Variants in NKAIN3 observed in about 807,000 individuals in gnomAD.
NKAIN3 encodes the protein sodium/potassium-transporting ATPase subunit beta-1-interacting protein 3.
A neutral mutation model predicts 30.2 loss-of-function variants in NKAIN3; 25 were observed. The ratio of observed to expected loss-of-function variants is 0.83; its 90% CI spans 0.60 to 1.16. The LOEUF (loss-of-function observed/expected upper bound fraction) is 1.16, where lower values mean the gene tolerates loss of function less well. Among genes scored for constraint, NKAIN3 ranks in the 50% most tolerant of loss-of-function variants. NKAIN3 has a pLI of 0.00. For missense variants in NKAIN3, 225 were observed against 254.1 expected, an observed-to-expected ratio of 0.89 and a Z score of 0.78; for synonymous variants, 91 against 89.6, an observed-to-expected ratio of 1.02 and a Z score of -0.09.
chr8:62,474,284 AGAGG>A (rs1388824886), intron 1 of NKAIN3: 2 of 152,256 alleles, frequency 1.3e-5, no homozygotes, highest in African/African-American at 4.8e-5. Context: ...ACTAAGCACC[AGAGG>A]GACAAACTCT....
chr8:62,504,127 T>G (rs1276732089), intron 1 of NKAIN3, among the ~76,000 whole-genome samples: 1 of 152,194 alleles, frequency 6.6e-6, no homozygotes, highest in Non-Finnish European at 1.5e-5. Flanking sequence ...TGAACTGTAT[T>G]GTGAACTGCA....
intron 2 of NKAIN3, among the ~76,000 whole-genome samples, chr8:62,584,939 G>T (rs182479533): frequency 7.3e-4 from 111 of 152,280 alleles, no homozygotes; most frequent in Admixed American, 1.2e-3. Flanking sequence ...GCCTATTCCT[G>T]TGTTCTAGGC....
At chr8:62,283,216 C>T (rs1271572096) in intron 1 of NKAIN3, among the ~76,000 whole-genome samples, 1 of 152,050 alleles carries the variant, frequency 6.6e-6, no homozygotes, top group African/African-American at 2.4e-5. Flanking sequence ...GAACTTAATC[C>T]AGAATTAGAA....
intron 3 of NKAIN3, among the ~76,000 whole-genome samples, chr8:62,648,044 G>A (rs1406172837): frequency 6.6e-6 from 1 of 152,084 alleles, no homozygotes; most frequent in Non-Finnish European, 1.5e-5. Context: ...AGGGACCAAA[G>A]TGATTCTCGG....
At chr8:62,811,661 G>A (rs1818493213) in intron 4 of NKAIN3, among the ~76,000 whole-genome samples, 2 of 151,782 alleles carry the variant, frequency 1.3e-5, no homozygotes, top group Non-Finnish European at 2.9e-5. Flanking sequence ...ATCTGCCATC[G>A]GTGTATCCTC....
intron 3 of NKAIN3, among the ~76,000 whole-genome samples, chr8:62,706,527 T>C (rs1190826627): frequency 6.6e-6 from 1 of 152,050 alleles, no homozygotes; most frequent in East Asian, 1.9e-4. Flanking sequence ...TCGTTTATAG[T>C]TTCCGAAACT....
chr8:62,869,252 G>A (rs922485739), intron 4 of NKAIN3, among the ~76,000 whole-genome samples: 3 of 152,110 alleles, frequency 2.0e-5, no homozygotes, highest in Non-Finnish European at 4.4e-5. Flanking sequence ...CTATCAACCC[G>A]TCATCTAGGC....
At chr8:62,611,626 C>CT (rs1173298489) in intron 3 of NKAIN3, among the ~76,000 whole-genome samples, 2 of 152,028 alleles carry the variant, frequency 1.3e-5, no homozygotes, top group African/African-American at 2.4e-5. Context: ...GGATCTCATT[C>CT]TTTTTTATGG....
chr8:62,623,874 C>G (rs1238354414), intron 3 of NKAIN3, among the ~76,000 whole-genome samples: 1 of 151,880 alleles, frequency 6.6e-6, no homozygotes, highest in Non-Finnish European at 1.5e-5. Flanking sequence ...AAAGAATGGC[C>G]ACAGCAGCAG....
chr8:62,766,660 C>CA (rs140157239), intron 4 of NKAIN3, among the ~76,000 whole-genome samples: 1,553 of 152,020 alleles, frequency 0.01, 26 homozygotes, highest in African/African-American at 0.034. Context: ...GGCTATTGAG[C>CA]AAAAAAACCT....
downstream of NKAIN3, among the ~76,000 whole-genome samples, chr8:62,986,181 C>A (rs936220556): frequency 6.6e-6 from 1 of 152,150 alleles, no homozygotes; most frequent in Admixed American, 6.5e-5. Flanking sequence ...ATTTGGAGAT[C>A]TGTGCTAAAG....
intron 4 of NKAIN3, among the ~76,000 whole-genome samples, chr8:62,899,862 C>A (rs191349102): frequency 6.1e-4 from 93 of 152,042 alleles, no homozygotes; most frequent in African/African-American, 2.1e-3. Flanking sequence ...CCCACAAATA[C>A]ATACACCTTC....
intron 1 of NKAIN3, among the ~76,000 whole-genome samples, chr8:62,512,075 C>T (rs916747193): frequency 6.6e-6 from 1 of 152,066 alleles, no homozygotes; most frequent in African/African-American, 2.4e-5. Context: ...AAATATAGTG[C>T]TTTTAGCAAA....
At chr8:62,397,003 A>G (rs1252810629) in intron 1 of NKAIN3, among the ~76,000 whole-genome samples, 1 of 152,176 alleles carries the variant, frequency 6.6e-6, no homozygotes, top group Non-Finnish European at 1.5e-5. Context: ...ATGTAAACTA[A>G]ATATTATTTA....
intron 4 of NKAIN3, among the ~76,000 whole-genome samples, chr8:62,916,532 A>C (rs1276391187): frequency 6.6e-6 from 1 of 152,166 alleles, no homozygotes; most frequent in Non-Finnish European, 1.5e-5. Context: ...TGTCCCTTCA[A>C]GTACACATTA....
intron 1 of NKAIN3, among the ~76,000 whole-genome samples, chr8:62,450,585 A>G (rs116586079): frequency 3.3e-5 from 5 of 152,324 alleles, no homozygotes; most frequent in East Asian, 1.9e-4. Context: ...TACTATTACT[A>G]TCTTCACTCT....
intron 1 of NKAIN3, among the ~76,000 whole-genome samples, chr8:62,403,291 A>T (rs1803949663): frequency 6.6e-6 from 1 of 152,194 alleles, no homozygotes; most frequent in Non-Finnish European, 1.5e-5. Context: ...AGAAAAACTC[A>T]TTTTCTGGGG....
At chr8:62,675,540 C>T (rs1167645615) in intron 3 of NKAIN3, among the ~76,000 whole-genome samples, 1 of 152,210 alleles carries the variant, frequency 6.6e-6, no homozygotes, top group Non-Finnish European at 1.5e-5. Context: ...AAACCACCCA[C>T]ACCAGTGGTA....
chr8:62,353,478 C>G (rs983035315), intron 1 of NKAIN3, among the ~76,000 whole-genome samples: 1 of 152,184 alleles, frequency 6.6e-6, no homozygotes, highest in Admixed American at 6.5e-5. Context: ...CATTATTCAT[C>G]TATTCATTCA....
Sources: allele counts gnomAD v4.1 joint callset (sites outside exome capture counted in the v4.1 genomes callset), GRCh38; gene constraint gnomAD v4.1.1; transcripts MANE v1.5; gene names NCBI Gene and HGNC (gene_info 2026-07-23, HGNC 2026-07-21).